Variants in AMMECR1 observed in about 807,000 individuals in gnomAD.
The protein encoded by AMMECR1 is nuclear protein AMMECR1.
In AMMECR1, 3 loss-of-function variants were observed where a neutral mutation model predicts 22.5. The observed-to-expected ratio is 0.13, with a 90% CI of 0.06 to 0.35. The LOEUF (loss-of-function observed/expected upper bound fraction) is 0.35, where lower values mean the gene tolerates loss of function less well. Among genes scored for constraint, AMMECR1 ranks in the 10% least tolerant of loss-of-function variants. The pLI, the probability that AMMECR1 is intolerant of heterozygous loss-of-function variation, is 1.00. For synonymous variants in AMMECR1, 130 were observed against 116.7 expected (o/e 1.11, Z -0.74); for missense variants, 235 against 278.7 (o/e 0.84, Z 1.12).
chrX:110,327,099 C>T (rs1258850104), intron 2 of AMMECR1, among the ~76,000 whole-genome samples: 5 of 111,602 alleles, frequency 4.5e-5, no homozygotes, highest in Admixed American at 1.9e-4. Context: ...TTAAGGTGTC[C>T]GCTAAATATG....
intron 2 of AMMECR1, among the ~76,000 whole-genome samples, chrX:110,251,001 C>T (rs1457559993): frequency 8.9e-6 from 1 of 112,129 alleles, no homozygotes; most frequent in Non-Finnish European, 1.9e-5. Flanking sequence ...CCACCCTTTG[C>T]ACTATCAATC....
At chrX:110,359,317 C>G (rs1168166956) in intron 2 of AMMECR1, among the ~76,000 whole-genome samples, 1 of 111,592 alleles carries the variant, frequency 9.0e-6, no homozygotes, top group Non-Finnish European at 1.9e-5. Context: ...ACCCATGAAC[C>G]CTCTAATGTT....
At chrX:110,427,736 C>A (rs2068764469) in intron 1 of AMMECR1, among the ~76,000 whole-genome samples, 1 of 112,233 alleles carries the variant, frequency 8.9e-6, no homozygotes, top group Admixed American at 9.3e-5. Flanking sequence ...CATTTAAGGT[C>A]TATCTCTTTG....
At chrX:110,426,548 A>G in intron 2 of AMMECR1, 1 of 112,534 alleles carries the variant, frequency 8.9e-6, no homozygotes, top group East Asian at 2.8e-4. Context: ...AAGAAGAGAT[A>G]TGAATTCCTT....
chrX:110,369,949 T>C (rs1323340069), intron 2 of AMMECR1, among the ~76,000 whole-genome samples: 2 of 110,898 alleles, frequency 1.8e-5, no homozygotes, highest in East Asian at 5.7e-4. Flanking sequence ...TGTACATGTA[T>C]ATCTTTTAGC....
intron 2 of AMMECR1, among the ~76,000 whole-genome samples, chrX:110,387,850 C>CCT (rs1317483103): frequency 0.017 from 1,731 of 104,499 alleles, 48 homozygotes; most frequent in African/African-American, 0.05. Context: ...TCGTTATCTC[C>CCT]CTCTCTCTTT....
intron 2 of AMMECR1, among the ~76,000 whole-genome samples, chrX:110,400,056 C>T (rs1274697480): frequency 2.7e-5 from 3 of 110,328 alleles, no homozygotes; most frequent in African/African-American, 9.9e-5. Context: ...TGGCTGTGCT[C>T]TGTGTGCTTA....
intron 2 of AMMECR1, among the ~76,000 whole-genome samples, chrX:110,234,737 C>A (rs1163932129): frequency 3.6e-5 from 4 of 111,517 alleles, no homozygotes; most frequent in African/African-American, 9.8e-5. Context: ...GGAAAGGATT[C>A]CCTATTTAAT....
intron 2 of AMMECR1, among the ~76,000 whole-genome samples, chrX:110,257,689 T>G (rs2067717759): frequency 8.9e-6 from 1 of 111,768 alleles, no homozygotes; most frequent in Admixed American, 9.5e-5. Flanking sequence ...ATAAAATAAT[T>G]TATAGATACC....
intron 2 of AMMECR1, among the ~76,000 whole-genome samples, chrX:110,248,529 A>G (rs889453185): frequency 3.6e-5 from 4 of 112,373 alleles, no homozygotes; most frequent in African/African-American, 1.3e-4. Flanking sequence ...TTCCTTCCTG[A>G]TACCAGTCAC....
intron 2 of AMMECR1, among the ~76,000 whole-genome samples, chrX:110,401,696 C>T (rs907506371): frequency 8.1e-5 from 9 of 111,433 alleles, no homozygotes; most frequent in Non-Finnish European, 1.7e-4. Flanking sequence ...GGAGTCAGAT[C>T]AATAAGCATT....
upstream of AMMECR1, chrX:110,318,240 GCC>G: frequency 4.9e-6 from 1 of 203,398 alleles, no homozygotes; most frequent in Non-Finnish European, 7.3e-6. Flanking sequence ...CCCCGCGCGC[GCC>G]CCCGCCTCGG....
chrX:110,244,698 C>T (rs1015912375), intron 2 of AMMECR1, among the ~76,000 whole-genome samples: 1 of 111,882 alleles, frequency 8.9e-6, no homozygotes, highest in African/African-American at 3.2e-5. Context: ...TAGTACAGTA[C>T]CATGGTCAGA....
At chrX:110,345,943 T>G (rs1299571299) in intron 2 of AMMECR1, among the ~76,000 whole-genome samples, 4 of 111,703 alleles carry the variant, frequency 3.6e-5, no homozygotes, top group Admixed American at 1.9e-4. Context: ...TATATCAATA[T>G]TGGGCCTAAA....
intron 2 of AMMECR1, among the ~76,000 whole-genome samples, chrX:110,350,624 A>G (rs949040368): frequency 8.9e-6 from 1 of 111,892 alleles, no homozygotes; most frequent in African/African-American, 3.3e-5. Flanking sequence ...TACAAAAATC[A>G]GTTGTGCTTC....
At chrX:110,330,276 C>G (rs2068115675) in intron 2 of AMMECR1, among the ~76,000 whole-genome samples, 1 of 111,663 alleles carries the variant, frequency 9.0e-6, no homozygotes, top group Admixed American at 9.5e-5. Flanking sequence ...TCCATTCAAC[C>G]CTTCTTCATT....
rs2067365834 is a variant in AMMECR1 at position 110,195,584 on chromosome X, A to G, written c.*2936T>C. On this transcript the variant is annotated 3_prime_UTR_variant, in exon 6 of 6. Coordinates refer to ENST00000262844, the MANE Select transcript of AMMECR1 (RefSeq NM_015365.3). ...GGCTATGTAAACTTTGTGCTACTCA[A>G]ATGAAGTTCAAGTATTACTTCTGAG... 1 of 112,383 alleles carries G rather than the reference A, an allele frequency of 8.9e-6. No individual in the cohort carries two copies. The highest frequency in any genetic ancestry group is 9.4e-5 in the Admixed American group (1 of 10,623). 9.3% of individuals were successfully genotyped at this position (112,383 alleles called of 1,213,427 possible).
intron 2 of AMMECR1, among the ~76,000 whole-genome samples, chrX:110,367,178 G>A (rs946642591): frequency 8.1e-5 from 9 of 111,708 alleles, no homozygotes; most frequent in Non-Finnish European, 1.3e-4. Context: ...CTTCCCTCAT[G>A]GCATCAATTT....
intron 1 of AMMECR1, among the ~76,000 whole-genome samples, chrX:110,316,976 C>T (rs1332596839): frequency 1.8e-5 from 2 of 110,373 alleles, no homozygotes; most frequent in Non-Finnish European, 3.8e-5. Context: ...ACGAGAAACA[C>T]ATTTTAATGG....
Sources: gnomAD v4.1 joint callset for allele counts (sites outside exome capture counted in the v4.1 genomes callset) on GRCh38, gnomAD v4.1.1 for gene constraint, MANE v1.5 for transcripts, NCBI Gene and HGNC (gene_info 2026-07-23, HGNC 2026-07-21) for gene names.